The following RIMS1 variants were observed in gnomAD, a reference collection of about 807,000 sequenced individuals.
RIMS1 encodes regulating synaptic membrane exocytosis 1, also known as regulating synaptic membrane exocytosis protein 1.
In RIMS1, 83 loss-of-function variants were observed where a neutral mutation model predicts 214.1. The observed-to-expected ratio is 0.39, with a 90% CI of 0.32 to 0.47. The LOEUF (loss-of-function observed/expected upper bound fraction) is 0.47. Among genes scored for constraint, RIMS1 ranks in the 20% least tolerant of loss-of-function variants. The pLI is 0.99. For missense variants in RIMS1, 2,050 were observed against 2,161.8 expected, an observed-to-expected ratio of 0.95 and a Z score of 1.03; for synonymous variants, 793 against 786.8, an observed-to-expected ratio of 1.01 and a Z score of -0.13.
chr6:72,196,580 C>CTTTTTTTTTTTTTTGTTTTT (rs2050982927), intron 6 of RIMS1, among the ~76,000 whole-genome samples: 1 of 57,214 alleles, frequency 1.7e-5, no homozygotes, highest in East Asian at 6.0e-4. Flanking sequence ...GCCAGCTGCA[C>CTTTTTTTTTTTTTTGTTTTT]TTTTTTTTTT....
At chr6:72,346,071 C>T (rs561991154) in intron 29 of RIMS1, among the ~76,000 whole-genome samples, 4 of 151,812 alleles carry the variant, frequency 2.6e-5, no homozygotes, top group Admixed American at 2.6e-4. Flanking sequence ...TCCTTTTTGA[C>T]CCTCCATTTT....
intron 1 of RIMS1, among the ~76,000 whole-genome samples, chr6:71,944,572 G>A (rs1936018): frequency 0.87 from 133,002 of 152,150 alleles, 58,220 homozygotes; most frequent in East Asian, 1. Flanking sequence ...AAGGGAAGTT[G>A]CCATCCTGGT....
At chr6:72,126,902 A>C (rs563576071) in intron 4 of RIMS1, among the ~76,000 whole-genome samples, 33 of 152,318 alleles carry the variant, frequency 2.2e-4, no homozygotes, top group African/African-American at 7.7e-4. Flanking sequence ...TTGAAGTGCC[A>C]TATGATTCAG....
intron 2 of RIMS1, among the ~76,000 whole-genome samples, chr6:71,976,906 A>G (rs1797285012): frequency 6.6e-6 from 1 of 152,162 alleles, no homozygotes; most frequent in Non-Finnish European, 1.5e-5. Flanking sequence ...CATCAATTAA[A>G]AGATTAAACA....
chr6:72,241,832 A>C (rs1473704392), intron 9 of RIMS1, among the ~76,000 whole-genome samples: 1 of 152,170 alleles, frequency 6.6e-6, no homozygotes, highest in Non-Finnish European at 1.5e-5. Flanking sequence ...ATGACTTGTA[A>C]TTGGGAAATT....
Position 72,159,906 on chromosome 6 carries a change from GT to G in RIMS1, c.472-19663del, listed in dbSNP as rs1397320874. Among the ~76,000 whole-genome samples the G allele has an allele frequency of 4.3e-5, 6 of 139,840 alleles. 1 individual carries two copies. The highest frequency in any genetic ancestry group is 9.7e-5 in the Non-Finnish European group (6 of 61,652). The allele number at this position is 139,840 out of a possible 152,430, so 91.7% of individuals were successfully genotyped here. A position where few individuals can be genotyped will look rare whatever the true frequency, so the allele number is the denominator to read the frequency against. On this transcript the variant is annotated intron_variant, in intron 4 of 33. Coordinates refer to ENST00000521978, the MANE Select transcript of RIMS1 (RefSeq NM_014989.7). ...TTGGTTCCATGTGAACTTTAAAGTG[GT>G]TTTTTCCAATTCTGTCAAGAAAGTC...
intron 4 of RIMS1, among the ~76,000 whole-genome samples, chr6:72,105,900 A>G (rs1163128201): frequency 1.3e-5 from 2 of 152,150 alleles, no homozygotes; most frequent in Non-Finnish European, 2.9e-5. Context: ...ACTATTCCTC[A>G]TATTCTATTT....
chr6:72,112,884 T>C (rs1171770947), intron 4 of RIMS1, among the ~76,000 whole-genome samples: 2 of 152,186 alleles, frequency 1.3e-5, no homozygotes, highest in African/African-American at 4.8e-5. Flanking sequence ...GCCAACAAAC[T>C]TGCCTGGCAC....
At chr6:72,399,579 C>T (rs2098817679) in intron 33 of RIMS1, among the ~76,000 whole-genome samples, 1 of 152,040 alleles carries the variant, frequency 6.6e-6, no homozygotes, top group African/African-American at 2.4e-5. Context: ...AATATTGAGC[C>T]CTGGTGGAGT....
chr6:72,348,076 C>T (rs2097325895), intron 29 of RIMS1, among the ~76,000 whole-genome samples: 1 of 151,836 alleles, frequency 6.6e-6, no homozygotes, highest in African/African-American at 2.4e-5. Context: ...TTGATCAAAT[C>T]ATGGTATAAT....
chr6:72,327,805 C>T (rs554310945), intron 28 of RIMS1, among the ~76,000 whole-genome samples: 138 of 151,896 alleles, frequency 9.1e-4, no homozygotes, highest in Non-Finnish European at 1.3e-3. Context: ...CACTTTGATT[C>T]TACTGAGTTA....
At chr6:72,388,030 A>T (rs2098642025) in intron 29 of RIMS1, among the ~76,000 whole-genome samples, 1 of 152,218 alleles carries the variant, frequency 6.6e-6, no homozygotes, top group South Asian at 2.1e-4. Flanking sequence ...TTCACTATCA[A>T]CAGTTTATAC....
intron 2 of RIMS1, among the ~76,000 whole-genome samples, chr6:72,066,396 T>C (rs905549142): frequency 6.6e-6 from 1 of 152,206 alleles, no homozygotes; most frequent in Admixed American, 6.5e-5. Context: ...ATAAATGCTA[T>C]TATTGAATCT....
intron 2 of RIMS1, among the ~76,000 whole-genome samples, chr6:72,080,106 A>T (rs1832982686): frequency 8.4e-6 from 1 of 119,718 alleles, no homozygotes; most frequent in Non-Finnish European, 1.9e-5. Context: ...AAAAAAAAAA[A>T]TACAGAAATT....
At chr6:72,237,966 C>A in intron 9 of RIMS1, 44 bp downstream of exon 9, 2 of 1,341,986 alleles carry the variant, frequency 1.5e-6, no homozygotes, top group East Asian at 2.3e-5. Context: ...GTTCTCCATG[C>A]ATGAACATGA....
At chr6:71,902,793 C>A (rs964793120) in intron 1 of RIMS1, among the ~76,000 whole-genome samples, 6 of 152,062 alleles carry the variant, frequency 3.9e-5, no homozygotes, top group African/African-American at 1.4e-4. Flanking sequence ...TTTTCTGTTC[C>A]TGTGTTAGTT....
At chr6:72,234,641 A>G (rs915802610) in intron 7 of RIMS1, among the ~76,000 whole-genome samples, 1 of 152,018 alleles carries the variant, frequency 6.6e-6, no homozygotes, top group Admixed American at 6.6e-5. Context: ...TAACACATTT[A>G]TAATGTCATG....
At position 72,182,970 on chromosome 6, in the gene RIMS1, CTT is replaced by C; in HGVS notation, c.1501_1502del (p.Leu501GlufsTer33). On this transcript the variant is annotated frameshift_variant, in exon 6 of 34. Transcript: ENST00000521978. LOFTEE classifies it high-confidence loss of function. ...GTGGAGACCATGCTGCGGAACGACTCTTTGAGCTCAGACCAGTCCGAGTCGGT... is the reference window on the plus strand; with the variant it reads ...GTGGAGACCATGCTGCGGAACGACTCTGAGCTCAGACCAGTCCGAGTCGGT... 1 of 1,594,550 alleles carries C rather than the reference CTT, an allele frequency of 6.3e-7. No homozygotes were observed. The highest frequency in any genetic ancestry group is 8.5e-7 in the Non-Finnish European group (1 of 1,171,732).
chr6:72,061,056 A>T (rs1827712793), intron 2 of RIMS1, among the ~76,000 whole-genome samples: 1 of 152,088 alleles, frequency 6.6e-6, no homozygotes, highest in Non-Finnish European at 1.5e-5. Context: ...TAAAATATTG[A>T]TTTTTGTGAG....
Sources: allele counts gnomAD v4.1 joint callset (sites outside exome capture counted in the v4.1 genomes callset), GRCh38; gene constraint gnomAD v4.1.1; transcripts MANE v1.5; gene names NCBI Gene and HGNC (gene_info 2026-07-23, HGNC 2026-07-21).